Variants in SAMD5 observed in about 807,000 individuals in gnomAD.
SAMD5 encodes the protein sterile alpha motif domain-containing protein 5.
A neutral mutation model predicts 11.3 loss-of-function variants in SAMD5; 13 were observed. The observed-to-expected ratio is 1.15, with a 90% confidence interval of 0.75 to 1.83. SAMD5 has a LOEUF of 1.83. Among genes scored for constraint, SAMD5 ranks in the 40% most tolerant of loss-of-function variants. SAMD5 has a pLI of 0.00. For synonymous variants in SAMD5, 129 were observed against 111.3 expected, an observed-to-expected ratio of 1.16 and a Z score of -1.00; for missense variants, 255 against 239.1, an observed-to-expected ratio of 1.07 and a Z score of -0.44.
At chr6:147,555,417 T>A (rs1355626848) in intron 1 of SAMD5, among the ~76,000 whole-genome samples, 2 of 152,238 alleles carry the variant, frequency 1.3e-5, no homozygotes, top group Non-Finnish European at 2.9e-5. Flanking sequence ...GAAGCATAAT[T>A]GACAGTATCT....
chr6:147,620,962 C>CTGTGTGTG (rs78040354), intron 1 of SAMD5, among the ~76,000 whole-genome samples: 1,750 of 128,496 alleles, frequency 0.014, 37 homozygotes, highest in African/African-American at 0.045. Context: ...GTATGTGCCT[C>CTGTGTGTG]TGTGTGTGTG....
chr6:147,760,789 G>C, the SAMD5 span, among the ~76,000 whole-genome samples: 1 of 152,104 alleles, frequency 6.6e-6, no homozygotes, highest in Non-Finnish European at 1.5e-5. Context: ...TTAAATTTCT[G>C]TGTTAATCTA....
At chr6:147,707,118 C>T (rs1340917999) in intron 1 of SAMD5, among the ~76,000 whole-genome samples, 1 of 152,150 alleles carries the variant, frequency 6.6e-6, no homozygotes, top group East Asian at 1.9e-4. Flanking sequence ...TGCTGTTGTT[C>T]ACATCCTTAT....
chr6:147,740,404 T>C (rs1002569031), downstream of SAMD5, among the ~76,000 whole-genome samples: 1 of 152,228 alleles, frequency 6.6e-6, no homozygotes, highest in Non-Finnish European at 1.5e-5. Flanking sequence ...TTAGGCTGTG[T>C]TTGAATTGAT....
chr6:147,812,656 G>A, the SAMD5 span, among the ~76,000 whole-genome samples: 103 of 152,172 alleles, frequency 6.8e-4, 1 homozygote, highest in African/African-American at 2.1e-3. Flanking sequence ...GTTGCAGCTC[G>A]CTTCTCTGGA....
chr6:147,571,285 T>A (rs759361593), downstream of SAMD5, among the ~76,000 whole-genome samples: 1 of 152,222 alleles, frequency 6.6e-6, no homozygotes. Context: ...TAAGTGTTTG[T>A]TAAAGAATAG....
At chr6:147,896,738 C>CAAAA in the SAMD5 span, among the ~76,000 whole-genome samples, 32 of 55,308 alleles carry the variant, frequency 5.8e-4, 1 homozygote, top group African/African-American at 1.7e-3. Context: ...GAACATTAAC[C>CAAAA]AAAAAAAAAA....
At chr6:147,541,306 A>G (rs1032810522) in intron 1 of SAMD5, among the ~76,000 whole-genome samples, 1 of 152,176 alleles carries the variant, frequency 6.6e-6, no homozygotes, top group African/African-American at 2.4e-5. Context: ...AACCATATGC[A>G]AGATTCTTAA....
chr6:147,669,065 CT>C (rs1409553869), intron 1 of SAMD5, among the ~76,000 whole-genome samples: 3 of 152,202 alleles, frequency 2.0e-5, no homozygotes, highest in South Asian at 2.1e-4. Flanking sequence ...GTTGGGCTGG[CT>C]GTGGCAATTT....
intron 1 of SAMD5, among the ~76,000 whole-genome samples, chr6:147,705,994 GT>G (rs1486716739): frequency 2.6e-5 from 4 of 151,938 alleles, no homozygotes; most frequent in African/African-American, 9.7e-5. Context: ...TTGTATGTTT[GT>G]TTCTATATTT....
chr6:147,650,745 A>G (rs1380717941), intron 1 of SAMD5, among the ~76,000 whole-genome samples: 1 of 152,178 alleles, frequency 6.6e-6, no homozygotes, highest in African/African-American at 2.4e-5. Context: ...CAGAACTTTC[A>G]GGGAGGAGAT....
chr6:147,560,959 G>T (rs1200757166), intron 1 of SAMD5, among the ~76,000 whole-genome samples: 2 of 152,106 alleles, frequency 1.3e-5, no homozygotes, highest in Non-Finnish European at 2.9e-5. Context: ...GATTGAGAGT[G>T]GTCTCAAAGT....
rs904245823 is a variant in SAMD5 at position 147,716,187 on chromosome 6, G to A, written c.163-21130G>A. The stretch of plus-strand genomic sequence containing the variant: ...CATGGGTTGCCCTTAGCACCACCTC[G>A]GCCTCCTTCCTGTGCTCGTCACCCC... On this transcript the variant is annotated intron_variant, in intron 1 of 1. Transcript: ENST00000566741. 5.3e-5 allele frequency among the ~76,000 whole-genome samples: 8 copies of A among 152,272 alleles called. No homozygotes were observed. The East Asian group carries it at 9.7e-4, about 18-fold the overall frequency.
intron 1 of SAMD5, among the ~76,000 whole-genome samples, chr6:147,643,820 A>G (rs1171256971): frequency 6.6e-6 from 1 of 152,002 alleles, no homozygotes; most frequent in Non-Finnish European, 1.5e-5. Context: ...AAAGAAAGAA[A>G]GAATGTCCTA....
intron 1 of SAMD5, among the ~76,000 whole-genome samples, chr6:147,718,758 T>C (rs182388152): frequency 2.0e-4 from 30 of 152,234 alleles, no homozygotes; most frequent in Admixed American, 1.0e-3. Flanking sequence ...TGGCACAATC[T>C]TGGCTCACTG....
chr6:147,585,337 C>T (rs1012473138), intron 1 of SAMD5, among the ~76,000 whole-genome samples: 8 of 152,082 alleles, frequency 5.3e-5, no homozygotes, highest in Non-Finnish European at 1.0e-4. Flanking sequence ...AGGATGAGGC[C>T]GGTGACATTA....
At chr6:147,784,228 A>G in the SAMD5 span, among the ~76,000 whole-genome samples, 2 of 152,046 alleles carry the variant, frequency 1.3e-5, no homozygotes, top group African/African-American at 4.8e-5. Context: ...AAGATGTTTA[A>G]TTTCTTTTCT....
the SAMD5 span, among the ~76,000 whole-genome samples, chr6:147,908,638 C>A: frequency 2.0e-5 from 3 of 152,094 alleles, no homozygotes; most frequent in African/African-American, 7.2e-5. Context: ...CATATATATT[C>A]CTGTGGATTT....
At chr6:147,722,830 G>A (rs1205382776) in intron 1 of SAMD5, among the ~76,000 whole-genome samples, 1 of 152,148 alleles carries the variant, frequency 6.6e-6, no homozygotes, top group Non-Finnish European at 1.5e-5. Context: ...TGTTCTGTGA[G>A]GCCATTATTG....
Sources: allele counts gnomAD v4.1 joint callset (sites outside exome capture counted in the v4.1 genomes callset), GRCh38; gene constraint gnomAD v4.1.1; transcripts MANE v1.5; gene names NCBI Gene and HGNC (gene_info 2026-07-23, HGNC 2026-07-21).